SORCS2: variants seen among roughly 807,000 people sequenced by gnomAD.
SORCS2 encodes the protein sortilin related VPS10 domain containing receptor 2, also known as VPS10 domain-containing receptor SorCS2.
SORCS2 carries 100 observed loss-of-function variants against 141.6 expected under a neutral mutation model. That is an observed-to-expected ratio of 0.71 (90% CI 0.60 to 0.83). The LOEUF is 0.83. Among genes scored for constraint, SORCS2 ranks in the 40% least tolerant of loss-of-function variants. The pLI is 0.00. For synonymous variants in SORCS2, 789 were observed against 676.9 expected, an observed-to-expected ratio of 1.17 and a Z score of -2.57; for missense variants, 1,646 against 1,560.2, an observed-to-expected ratio of 1.05 and a Z score of -0.93.
intron 25 of SORCS2, 127 bp from the exon 26 acceptor site, chr4:7,736,942 G>T: frequency 8.1e-7 from 1 of 1,229,422 alleles, no homozygotes; most frequent in East Asian, 2.6e-5. Flanking sequence ...GCTGGGGTAG[G>T]CACCTCTGGA....
chr4:7,558,610 C>T (rs558330377), intron 3 of SORCS2, among the ~76,000 whole-genome samples: 9 of 152,242 alleles, frequency 5.9e-5, no homozygotes, highest in East Asian at 2.0e-4. Flanking sequence ...TTCATTCCCA[C>T]GCACATGAGC....
chr4:7,621,799 G>A (rs1181587411), intron 3 of SORCS2, among the ~76,000 whole-genome samples: 4 of 152,208 alleles, frequency 2.6e-5, no homozygotes, highest in African/African-American at 9.6e-5. Context: ...TCTGAGACAG[G>A]CGACCTCTGG....
At chr4:7,629,571 C>G (rs939598555) in intron 3 of SORCS2, among the ~76,000 whole-genome samples, 1 of 151,462 alleles carries the variant, frequency 6.6e-6, no homozygotes, top group African/African-American at 2.4e-5. Context: ...ACCCCCCTCG[C>G]TCCCCACCCG....
chr4:7,412,936 C>T (rs773509998), intron 2 of SORCS2, among the ~76,000 whole-genome samples: 4 of 152,182 alleles, frequency 2.6e-5, no homozygotes, highest in Non-Finnish European at 5.9e-5. Context: ...GTGTTCTCTG[C>T]ACCTGGCAGA....
intron 2 of SORCS2, among the ~76,000 whole-genome samples, chr4:7,397,412 C>T (rs564891153): frequency 5.5e-4 from 84 of 152,038 alleles, no homozygotes; most frequent in African/African-American, 1.8e-3. Flanking sequence ...CACAGTCCCC[C>T]GAGTAGTCCT....
intron 1 of SORCS2, among the ~76,000 whole-genome samples, chr4:7,197,627 G>C (rs529969795): frequency 1.3e-5 from 2 of 152,326 alleles, no homozygotes; most frequent in African/African-American, 4.8e-5. Flanking sequence ...GGTCTGGGGG[G>C]TAGGAATTTT....
rs531921905 is a variant in SORCS2, at chr4:7,359,286, A to G, written c.481-37002A>G. On this transcript the variant is annotated intron_variant, in intron 1 of 26. Transcript: ENST00000507866. Reference sequence around the variant, plus strand: ...ATTCCAGCCTGGGCAACAGAGCGAGACTCTGTTAAGCAAACAAGCAAATAA... The same window carrying G: ...ATTCCAGCCTGGGCAACAGAGCGAGGCTCTGTTAAGCAAACAAGCAAATAA... Among the ~76,000 whole-genome samples, 539 of 150,718 alleles carry G rather than the reference A, an allele frequency of 3.6e-3. 1 individual carries two copies. Among genetic ancestry groups the G allele is most frequent in the Non-Finnish European group, 5.4e-3 (365 of 67,684 alleles).
intron 23 of SORCS2, among the ~76,000 whole-genome samples, chr4:7,731,647 GAAAT>G (rs1233246555): frequency 2.0e-5 from 3 of 152,278 alleles, no homozygotes. Context: ...ATAGAGCCCA[GAAAT>G]AAATCCATAC....
chr4:7,349,126 A>G (rs1720799081), intron 1 of SORCS2, among the ~76,000 whole-genome samples: 1 of 152,156 alleles, frequency 6.6e-6, no homozygotes, highest in Non-Finnish European at 1.5e-5. Context: ...GTATGTTAGC[A>G]TACTTCATCA....
chr4:7,739,868 C>T (rs780235492), intron 26 of SORCS2, among the ~76,000 whole-genome samples: 58 of 152,314 alleles, frequency 3.8e-4, no homozygotes, highest in Non-Finnish European at 6.5e-4. Context: ...CAGGAGGGGG[C>T]GGAGCCTCAG....
intron 2 of SORCS2, among the ~76,000 whole-genome samples, chr4:7,455,788 G>C (rs977920417): frequency 4.6e-5 from 7 of 151,962 alleles, no homozygotes; most frequent in African/African-American, 1.7e-4. Context: ...AGCCACTTTA[G>C]GGTCAGACGC....
intron 1 of SORCS2, among the ~76,000 whole-genome samples, chr4:7,316,233 T>TCCAC (rs1251671454): frequency 4.6e-5 from 7 of 151,246 alleles, no homozygotes; most frequent in Non-Finnish European, 8.8e-5. Context: ...CATCCATCCA[T>TCCAC]CCATCCATCC....
chr4:7,415,389 G>A (rs571081791), intron 2 of SORCS2, among the ~76,000 whole-genome samples: 6 of 152,214 alleles, frequency 3.9e-5, no homozygotes, highest in Non-Finnish European at 7.4e-5. Context: ...CCTGCCATCC[G>A]TGGCTCAGGC....
chr4:7,588,924 C>T (rs1560408384), intron 3 of SORCS2, among the ~76,000 whole-genome samples: 2 of 152,160 alleles, frequency 1.3e-5, no homozygotes, highest in African/African-American at 2.4e-5. Context: ...TCACAGAGGA[C>T]GTGGACATCA....
intron 2 of SORCS2, among the ~76,000 whole-genome samples, chr4:7,442,207 C>A (rs1291947474): frequency 1.7e-4 from 1 of 6,048 alleles, no homozygotes; most frequent in African/African-American, 4.2e-4. Flanking sequence ...ACCCCCTCCC[C>A]CAGCCCAGAT....
At chr4:7,280,907 G>A (rs1429189390) in intron 1 of SORCS2, among the ~76,000 whole-genome samples, 1 of 152,134 alleles carries the variant, frequency 6.6e-6, no homozygotes, top group South Asian at 2.1e-4. Flanking sequence ...TCCAGCACTC[G>A]GTAGGCATGA....
At chr4:7,651,210 G>A (rs1227995068) in intron 4 of SORCS2, among the ~76,000 whole-genome samples, 1 of 152,124 alleles carries the variant, frequency 6.6e-6, no homozygotes, top group African/African-American at 2.4e-5. Flanking sequence ...GATGGGGAAA[G>A]GCAAACGCGT....
chr4:7,440,359 G>A (rs4234808), intron 2 of SORCS2, among the ~76,000 whole-genome samples: 122,943 of 152,208 alleles, frequency 0.81, 49,922 homozygotes, highest in South Asian at 0.96. Context: ...TTCAGAGAGT[G>A]TAAGGGAGGG....
intron 1 of SORCS2, among the ~76,000 whole-genome samples, chr4:7,394,411 G>C (rs1016601141): frequency 2.7e-5 from 4 of 150,712 alleles, no homozygotes; most frequent in Admixed American, 1.3e-4. Flanking sequence ...GGTTGGAGGG[G>C]GGGTGTATGG....
Sources: gnomAD v4.1 joint callset for allele counts (sites outside exome capture counted in the v4.1 genomes callset) on GRCh38, gnomAD v4.1.1 for gene constraint, MANE v1.5 for transcripts, NCBI Gene and HGNC (gene_info 2026-07-23, HGNC 2026-07-21) for gene names.